Variants in ZBTB8OS observed in about 807,000 individuals in gnomAD.
The protein encoded by ZBTB8OS is tRNA-splicing ligase-activating factor archease.
ZBTB8OS carries 16 observed loss-of-function variants against 29.3 expected under a neutral mutation model. The ratio of observed to expected loss-of-function variants is 0.55; its 90% CI spans 0.37 to 0.83. The LOEUF is 0.83. Ranked by LOEUF, ZBTB8OS falls within the 40% of genes least tolerant of loss-of-function variation. The probability of loss-of-function intolerance (pLI) is 0.00; values close to 1 mark genes in which losing one functional copy is unlikely to be tolerated. For synonymous variants in ZBTB8OS, 70 were observed against 64.6 expected (o/e 1.08, Z -0.40); for missense variants, 160 against 196.9 (o/e 0.81, Z 1.12).
At chr1:32,629,429 C>T (rs563475431) in intron 5 of ZBTB8OS, among the ~76,000 whole-genome samples, 1 of 151,634 alleles carries the variant, frequency 6.6e-6, no homozygotes, top group East Asian at 1.9e-4. Flanking sequence ...ACAAAAACAA[C>T]AAAAACAAAA....
intron 1 of ZBTB8OS, among the ~76,000 whole-genome samples, chr1:32,648,647 T>C (rs1448446895): frequency 1.3e-5 from 2 of 152,190 alleles, no homozygotes; most frequent in African/African-American, 4.8e-5. Flanking sequence ...CAAATCAATA[T>C]ATATGACCTA....
intron 1 of ZBTB8OS, among the ~76,000 whole-genome samples, chr1:32,643,790 T>G (rs1646621883): frequency 1.4e-5 from 2 of 147,764 alleles, no homozygotes; most frequent in Admixed American, 1.4e-4. Flanking sequence ...CCACCATGCC[T>G]GGCCCCAGCT....
intron 1 of ZBTB8OS, among the ~76,000 whole-genome samples, chr1:32,644,387 G>T (rs570574388): frequency 1.3e-5 from 2 of 152,188 alleles, no homozygotes; most frequent in African/African-American, 4.8e-5. Context: ...GTCAATTCAG[G>T]TGGAAACAAG....
rs1328757403 is a variant in ZBTB8OS at position 32,627,495 on chromosome 1, T to C, written c.417+13A>G. 6.2e-7 allele frequency: 1 copy of C among 1,612,760 alleles called. No individual in the cohort carries two copies. The highest frequency in any genetic ancestry group is 1.3e-5 in the African/African-American group (1 of 74,890). On this transcript the variant is annotated intron_variant, in intron 6 of 6. Transcript: ENST00000468695. ...ATTTTTCATGTTCTTAATGGCTGGA[T>C]TTTAAAACATACCTGAGGGTGCTTG...
At chr1:32,644,266 T>C (rs1052283245) in intron 1 of ZBTB8OS, among the ~76,000 whole-genome samples, 1 of 152,094 alleles carries the variant, frequency 6.6e-6, no homozygotes, top group African/African-American at 2.4e-5. Flanking sequence ...ATCAGTTAAT[T>C]GCATTCTTGG....
rs145261649 is a variant in ZBTB8OS, at chr1:32,650,502, C to A, written c.28G>T (p.Asp10Tyr). ...TTCTGTTCTTCAGTCAAATTGTAAT[C>A]TCTAACATCTTCCTCTTCCTGCGCC... MAQEEEDVRDYNLTEEQKAI... is the reference protein window; with the variant it reads MAQEEEDVRYYNLTEEQKAI... The change falls in exon 1 of 7, where the codon GAT (aspartate) becomes TAT (tyrosine). Residue 10 changes from aspartate to tyrosine, a missense_variant. Asp to Tyr is a radical substitution (Grantham distance 160). Transcript: ENST00000468695. 1.1e-3 allele frequency: 1,710 copies of A among 1,614,174 alleles called. No homozygotes were observed. The highest frequency in any genetic ancestry group is 1.3e-3 in the Non-Finnish European group (1,547 of 1,180,030).
chr1:32,636,191 C>A (rs986514895), intron 1 of ZBTB8OS, among the ~76,000 whole-genome samples: 6 of 152,164 alleles, frequency 3.9e-5, no homozygotes, highest in East Asian at 1.9e-4. Context: ...GTAGTATCCA[C>A]TTCCCAAGCC....
At chr1:32,629,629 TCTCC>T (rs1369433467) in intron 5 of ZBTB8OS, among the ~76,000 whole-genome samples, 4 of 152,034 alleles carry the variant, frequency 2.6e-5, no homozygotes. Flanking sequence ...TTAGGATCAG[TCTCC>T]TCTCTGTCTT....
intron 1 of ZBTB8OS, chr1:32,640,013 T>C (rs947593656): frequency 6.6e-6 from 1 of 152,196 alleles, no homozygotes; most frequent in Non-Finnish European, 1.5e-5. Flanking sequence ...CATTTCTTTG[T>C]TCCTTCTCCA....
intron 1 of ZBTB8OS, among the ~76,000 whole-genome samples, chr1:32,648,038 C>CA (rs1053087917): frequency 7.0e-5 from 10 of 142,206 alleles, no homozygotes; most frequent in South Asian, 2.2e-4. Flanking sequence ...CAACCCAAGA[C>CA]AAAAAAAAAA....
intron 1 of ZBTB8OS, among the ~76,000 whole-genome samples, chr1:32,647,150 T>C (rs1646912112): frequency 6.9e-6 from 1 of 145,662 alleles, no homozygotes; most frequent in Admixed American, 6.9e-5. Context: ...AGATTGGAAG[T>C]TCGAGATTGG....
intron 5 of ZBTB8OS, 131 bp downstream of exon 5, chr1:32,631,696 G>T (rs530875864): frequency 1.3e-5 from 8 of 622,180 alleles, no homozygotes; most frequent in South Asian, 7.7e-5. Flanking sequence ...GTCCTTCCAA[G>T]CCCTTAGACA....
intron 6 of ZBTB8OS, among the ~76,000 whole-genome samples, chr1:32,624,806 A>T (rs1464431413): frequency 6.6e-6 from 1 of 152,028 alleles, no homozygotes; most frequent in African/African-American, 2.4e-5. Flanking sequence ...AGACAGGAGA[A>T]TCGCTTGAAC....
intron 1 of ZBTB8OS, among the ~76,000 whole-genome samples, chr1:32,641,175 T>C (rs566196020): frequency 1.5e-4 from 22 of 150,976 alleles, no homozygotes; most frequent in African/African-American, 4.9e-4. Flanking sequence ...AATACTGAAG[T>C]CTGAATAACA....
chr1:32,649,217 G>A (rs1432237723), intron 1 of ZBTB8OS, among the ~76,000 whole-genome samples: 2 of 151,582 alleles, frequency 1.3e-5, no homozygotes, highest in African/African-American at 2.4e-5. Context: ...ATCCACCCAC[G>A]TCAGTCTCGC....
chr1:32,642,264 G>A (rs2148439245), intron 1 of ZBTB8OS, among the ~76,000 whole-genome samples: 1 of 152,286 alleles, frequency 6.6e-6, no homozygotes, highest in East Asian at 1.9e-4. Flanking sequence ...AGCACTTTGG[G>A]AGGCCAAGGC....
At chr1:32,627,896 T>C (rs1645236481) in intron 5 of ZBTB8OS, 1 of 194,870 alleles carries the variant, frequency 5.1e-6, no homozygotes, top group African/African-American at 2.4e-5. Context: ...ATAAAAAAAG[T>C]TAGCTGGGTG....
rs10914587 is a variant in ZBTB8OS, at chr1:32,621,571, A to C, written c.*291T>G. 9.2e-3 allele frequency: 3,115 copies of C among 337,516 alleles called. 90 individuals carry two copies. Among genetic ancestry groups the C allele is most frequent in the African/African-American group, 0.062 (2,846 of 45,576 alleles). The allele number at this position is 337,516 out of a possible 1,614,324, so 20.9% of individuals were successfully genotyped here. ...TCTGGGGTGAGGCTGGAGGGCTTGC[A>C]TTGCACTGGAAGGGCATGAGGCACA... On this transcript the variant is annotated 3_prime_UTR_variant, in exon 7 of 7. Transcript: ENST00000468695.
intron 4 of ZBTB8OS, chr1:32,632,456 C>G (rs765084358): frequency 1.3e-5 from 2 of 151,978 alleles, no homozygotes; most frequent in African/African-American, 2.4e-5. Context: ...ACTCTGTTGC[C>G]CAGTCTGGAG....
Sources: allele counts gnomAD v4.1 joint callset (sites outside exome capture counted in the v4.1 genomes callset), GRCh38; gene constraint gnomAD v4.1.1; transcripts MANE v1.5; gene names NCBI Gene and HGNC (gene_info 2026-07-23, HGNC 2026-07-21).